The following LIN7A variants were observed in gnomAD, a reference collection of about 807,000 sequenced individuals.
LIN7A encodes protein lin-7 homolog A.
A neutral mutation model predicts 29.8 loss-of-function variants in LIN7A; 25 were observed. The observed-to-expected ratio is 0.84, with a 90% confidence interval of 0.61 to 1.17. The LOEUF is 1.17. LIN7A is among the 50% of genes most tolerant of loss of function. The pLI is 0.00. For synonymous variants in LIN7A, 118 were observed against 107.5 expected (o/e 1.10, Z -0.60); for missense variants, 239 against 287.0 (o/e 0.83, Z 1.21).
At chr12:80,931,793 C>T (rs906960715) in intron 1 of LIN7A, among the ~76,000 whole-genome samples, 1 of 152,068 alleles carries the variant, frequency 6.6e-6, no homozygotes, top group African/African-American at 2.4e-5. Flanking sequence ...AGCAAGCAAG[C>T]GCTTACTTGT....
At chr12:80,841,861 T>A in intron 4 of LIN7A, 1 of 1,008,606 alleles carries the variant, frequency 9.9e-7, no homozygotes, top group Non-Finnish European at 1.2e-6. Flanking sequence ...TAGAAAGCTA[T>A]AAATTCTTAC....
At chr12:80,878,886 C>T (rs964718365) in intron 2 of LIN7A, among the ~76,000 whole-genome samples, 5 of 152,166 alleles carry the variant, frequency 3.3e-5, no homozygotes, top group African/African-American at 1.2e-4. Context: ...ATCCTAGCTA[C>T]AGAGCACTGA....
chr12:80,850,531 G>T (rs143839794), intron 2 of LIN7A, among the ~76,000 whole-genome samples: 1 of 152,222 alleles, frequency 6.6e-6, no homozygotes, highest in East Asian at 1.9e-4. Flanking sequence ...TGGGGACAAT[G>T]TTGCCCTTCA....
At chr12:80,890,048 T>G (rs1199054548) in intron 1 of LIN7A, among the ~76,000 whole-genome samples, 1 of 152,130 alleles carries the variant, frequency 6.6e-6, no homozygotes, top group African/African-American at 2.4e-5. Flanking sequence ...CATGTGCCCA[T>G]CTACCAGCCT....
At chr12:80,918,936 T>G (rs1006076179) in intron 1 of LIN7A, among the ~76,000 whole-genome samples, 2 of 152,218 alleles carry the variant, frequency 1.3e-5, no homozygotes, top group Non-Finnish European at 2.9e-5. Context: ...CACTTATCGT[T>G]GTGTCACAAC....
intron 4 of LIN7A, among the ~76,000 whole-genome samples, chr12:80,840,256 A>T (rs1446217913): frequency 6.6e-6 from 1 of 152,254 alleles, no homozygotes; most frequent in African/African-American, 2.4e-5. Context: ...TTACAAAATC[A>T]TATTAAACCA....
chr12:80,830,210 A>C (rs1872278102), intron 4 of LIN7A, among the ~76,000 whole-genome samples: 1 of 152,202 alleles, frequency 6.6e-6, no homozygotes, highest in African/African-American at 2.4e-5. Context: ...ATTATAAACT[A>C]GCAATGATTA....
chr12:80,897,233 T>G (rs1200862324), intron 1 of LIN7A, among the ~76,000 whole-genome samples: 1 of 152,154 alleles, frequency 6.6e-6, no homozygotes, highest in East Asian at 1.9e-4. Flanking sequence ...ATGTCTTTCC[T>G]TTATATTTGA....
At chr12:80,923,436 A>C (rs144252367) in intron 1 of LIN7A, among the ~76,000 whole-genome samples, 2 of 152,244 alleles carry the variant, frequency 1.3e-5, no homozygotes, top group Non-Finnish European at 2.9e-5. Flanking sequence ...TACACTGTCT[A>C]TGGGTATTTT....
Position 80,796,075 on chromosome 12 carries a change from A to G in LIN7A, c.*1652T>C, listed in dbSNP as rs1870434674. On this transcript the variant is annotated 3_prime_UTR_variant, in exon 6 of 6. Transcript: ENST00000552864. ...CTGGTATTGACAATACTATCACCCA[A>G]CAGGGCATAATAAAATGTGCTGGGT... 2 of 152,204 alleles carry G rather than the reference A, an allele frequency of 1.3e-5. No homozygotes were observed. The allele number at this position is 152,204 out of a possible 1,614,324, so 9.4% of individuals were successfully genotyped here. A position where few individuals can be genotyped will look rare whatever the true frequency, so the allele number is the denominator to read the frequency against.
intron 2 of LIN7A, among the ~76,000 whole-genome samples, chr12:80,880,509 A>C (rs1290093527): frequency 2.6e-5 from 4 of 152,206 alleles, no homozygotes; most frequent in African/African-American, 9.7e-5. Context: ...ATGTCTGTGA[A>C]ATTATTTTAA....
intron 2 of LIN7A, among the ~76,000 whole-genome samples, chr12:80,856,228 ATCTT>A (rs1873591242): frequency 6.6e-6 from 1 of 152,218 alleles, no homozygotes; most frequent in Non-Finnish European, 1.5e-5. Context: ...CCAGAGTACT[ATCTT>A]TCTACATTTC....
intron 2 of LIN7A, among the ~76,000 whole-genome samples, chr12:80,851,355 CTTT>C (rs199557424): frequency 5.7e-5 from 8 of 139,622 alleles, no homozygotes; most frequent in Non-Finnish European, 7.9e-5. Flanking sequence ...AATTGCTAGT[CTTT>C]TTTTTTTTTT....
intron 4 of LIN7A, among the ~76,000 whole-genome samples, chr12:80,820,589 A>AG (rs931881735): frequency 4.0e-5 from 6 of 151,042 alleles, no homozygotes; most frequent in Non-Finnish European, 8.9e-5. Context: ...CTGCACCAAA[A>AG]GGGGGGAAAA....
intron 2 of LIN7A, among the ~76,000 whole-genome samples, chr12:80,876,381 AT>A (rs1194270049): frequency 6.6e-6 from 1 of 152,224 alleles, no homozygotes; most frequent in Non-Finnish European, 1.5e-5. Flanking sequence ...GTAGGGAAAG[AT>A]TTCTGAAGTG....
chr12:80,907,099 T>TGTG (rs1363856007), intron 1 of LIN7A, among the ~76,000 whole-genome samples: 25 of 51,324 alleles, frequency 4.9e-4, no homozygotes, highest in Non-Finnish European at 1.4e-3. Flanking sequence ...GTGTGTGTGT[T>TGTG]GAGGATTAAA....
chr12:80,816,911 G>A (rs1871563356), intron 4 of LIN7A, among the ~76,000 whole-genome samples: 1 of 152,178 alleles, frequency 6.6e-6, no homozygotes, highest in East Asian at 1.9e-4. Flanking sequence ...TGGGACTATA[G>A]GTGCCTGCCA....
chr12:80,891,001 T>C (rs1875595141), intron 1 of LIN7A, among the ~76,000 whole-genome samples: 1 of 152,076 alleles, frequency 6.6e-6, no homozygotes, highest in Non-Finnish European at 1.5e-5. Context: ...TTTTCCTTTG[T>C]TCCATATTTC....
chr12:80,934,731 TATC>T (rs1187644666), intron 1 of LIN7A, among the ~76,000 whole-genome samples: 12 of 152,322 alleles, frequency 7.9e-5, no homozygotes, highest in Non-Finnish European at 1.8e-4. Flanking sequence ...AAATATCTCT[TATC>T]ATCACATTTT....
Sources: gnomAD v4.1 joint callset for allele counts (sites outside exome capture counted in the v4.1 genomes callset) on GRCh38, gnomAD v4.1.1 for gene constraint, MANE v1.5 for transcripts, NCBI Gene and HGNC (gene_info 2026-07-23, HGNC 2026-07-21) for gene names.